NPAS3: variants seen among roughly 807,000 people sequenced by gnomAD.
The protein encoded by NPAS3 is neuronal PAS domain-containing protein 3.
A neutral mutation model predicts 73.1 loss-of-function variants in NPAS3; 14 were observed. That is an observed-to-expected ratio of 0.19 (90% confidence interval 0.13 to 0.30). The LOEUF (loss-of-function observed/expected upper bound fraction) is 0.30. Ranked by LOEUF, NPAS3 falls within the 10% of genes least tolerant of loss-of-function variation. NPAS3 has a pLI of 1.00. For synonymous variants in NPAS3, 620 were observed against 541.5 expected, an observed-to-expected ratio of 1.14 and a Z score of -2.01; for missense variants, 1,096 against 1,250.0, an observed-to-expected ratio of 0.88 and a Z score of 1.86.
intron 8 of NPAS3, among the ~76,000 whole-genome samples, chr14:33,775,814 C>T (rs991874302): frequency 1.3e-5 from 2 of 152,198 alleles, no homozygotes; most frequent in South Asian, 4.1e-4. Flanking sequence ...CAGAATGATT[C>T]GCTGGAGTTG....
chr14:33,185,853 G>A (rs2045956269), intron 2 of NPAS3, among the ~76,000 whole-genome samples: 1 of 152,132 alleles, frequency 6.6e-6, no homozygotes, highest in Admixed American at 6.6e-5. Flanking sequence ...AACTGACTAG[G>A]CTTTTTTTCC....
intron 3 of NPAS3, among the ~76,000 whole-genome samples, chr14:33,222,355 C>T (rs1004301568): frequency 2.0e-5 from 3 of 152,172 alleles, no homozygotes; most frequent in African/African-American, 7.2e-5. Context: ...TACGCCCTTC[C>T]AGTCTCCTTC....
At chr14:33,640,506 C>G (rs1006708271) in intron 5 of NPAS3, among the ~76,000 whole-genome samples, 15 of 152,152 alleles carry the variant, frequency 9.9e-5, no homozygotes, top group African/African-American at 3.6e-4. Context: ...TTAAAATTCA[C>G]AATTCTTAGT....
At chr14:33,257,596 T>C (rs1435545640) in intron 3 of NPAS3, among the ~76,000 whole-genome samples, 1 of 152,224 alleles carries the variant, frequency 6.6e-6, no homozygotes, top group Non-Finnish European at 1.5e-5. Flanking sequence ...AAGAAGAAAG[T>C]GTGCCATAGG....
intron 5 of NPAS3, among the ~76,000 whole-genome samples, chr14:33,671,676 C>T (rs997603932): frequency 2.6e-5 from 4 of 152,216 alleles, no homozygotes; most frequent in Admixed American, 1.3e-4. Flanking sequence ...TTTTGTAATA[C>T]ACTAAGCAAC....
intron 1 of NPAS3, among the ~76,000 whole-genome samples, chr14:32,952,507 T>G (rs2036523125): frequency 6.6e-6 from 1 of 151,904 alleles, no homozygotes; most frequent in African/African-American, 2.4e-5. Flanking sequence ...CCCTTGCTTG[T>G]CTCCCATACC....
At chr14:33,332,211 A>G (rs2044016846) in intron 3 of NPAS3, among the ~76,000 whole-genome samples, 1 of 152,194 alleles carries the variant, frequency 6.6e-6, no homozygotes, top group Admixed American at 6.5e-5. Context: ...TCTTTCGCTC[A>G]CTAAATTTCT....
At chr14:33,216,225 C>G (rs1459950761) in intron 3 of NPAS3, among the ~76,000 whole-genome samples, 1 of 152,138 alleles carries the variant, frequency 6.6e-6, no homozygotes, top group Non-Finnish European at 1.5e-5. Context: ...AATCGTGTAT[C>G]TAGACACTTT....
chr14:33,800,311 G>T lies in NPAS3; in HGVS notation c.2004G>T (p.Pro668=). 6.2e-7 allele frequency: 1 copy of T among 1,613,346 alleles called. No homozygotes were observed. The highest frequency in any genetic ancestry group is 8.5e-7 in the Non-Finnish European group (1 of 1,179,622). The change falls in exon 12 of 12, where the codon CCG becomes CCT. Residue 668 remains proline (P), a synonymous_variant. Transcript: ENST00000356141. The surrounding 1 kb of genome is among the most constrained non-coding windows in gnomAD (Gnocchi z 6.5). The stretch of plus-strand genomic sequence containing the variant: ...ATGACAGCAGCATCTGGAACTACCC[G>T]CCCAACCGGGAGATCTCCAGGAACG...
intron 3 of NPAS3, among the ~76,000 whole-genome samples, chr14:33,308,570 T>C (rs2042873088): frequency 4.4e-5 from 2 of 45,696 alleles, no homozygotes; most frequent in African/African-American, 3.7e-4. Flanking sequence ...ATACATTATA[T>C]ATATGTATAT....
intron 5 of NPAS3, among the ~76,000 whole-genome samples, chr14:33,625,080 AACAT>A (rs1171356815): frequency 6.6e-6 from 1 of 152,192 alleles, no homozygotes; most frequent in Admixed American, 6.5e-5. Context: ...TTTAATTAGA[AACAT>A]AAATAATGTG....
chr14:33,022,506 A>T (rs566249601), intron 1 of NPAS3, among the ~76,000 whole-genome samples: 2 of 152,188 alleles, frequency 1.3e-5, no homozygotes, highest in Non-Finnish European at 1.5e-5. Flanking sequence ...CTACTAAAAA[A>T]TACAAAAAAG....
At chr14:33,165,925 G>C (rs1020894626) in intron 2 of NPAS3, among the ~76,000 whole-genome samples, 6 of 152,134 alleles carry the variant, frequency 3.9e-5, no homozygotes, top group African/African-American at 1.4e-4. Flanking sequence ...CATCCCCAAA[G>C]TGTGTTTAGC....
chr14:33,442,257 A>T (rs1440196751), intron 4 of NPAS3, among the ~76,000 whole-genome samples: 1 of 152,106 alleles, frequency 6.6e-6, no homozygotes, highest in African/African-American at 2.4e-5. Context: ...TGGTGAACTA[A>T]AGTTCCAGAT....
In NPAS3 at chr14:33,800,355, C is replaced by A; in HGVS notation, c.2048C>A (p.Thr683Asn). The A allele has an allele frequency of 6.2e-7, 1 of 1,612,490 alleles. No individual in the cohort carries two copies. The highest frequency in any genetic ancestry group is 8.5e-7 in the Non-Finnish European group (1 of 1,179,380). The change falls in exon 12 of 12, where the codon ACC (threonine) becomes AAC (asparagine). Residue 683 changes from threonine to asparagine, a missense_variant. By Grantham distance (65) the Thr-to-Asn change is moderately conservative. This residue lies in a region of NPAS3 where 698 missense variants were observed against 676.7 expected (regional missense o/e 1.03). Transcript: ENST00000356141. This position sits in a 1 kb window ranked among gnomAD's most constrained non-coding sequence, Gnocchi z 6.5. Reference sequence around the variant, plus strand: ...AGGAACGAGTCCCCCTACAGCATGACCAAGCCCCCCAGCTCTGAGCACTTC... The same window carrying A: ...AGGAACGAGTCCCCCTACAGCATGAACAAGCCCCCCAGCTCTGAGCACTTC...
At position 32,955,231 on chromosome 14, in the gene NPAS3, C is replaced by A. The variant is rs75478303; in HGVS notation, c.50+15865C>A. On this transcript the variant is annotated intron_variant, in intron 1 of 11. Coordinates refer to ENST00000356141, the Ensembl canonical transcript of NPAS3. ...CCTTTCTAGTCTTCTAGCTCAAGGTCTATCTCAATAGGATATAACAATATA... is the reference window on the plus strand; with the variant it reads ...CCTTTCTAGTCTTCTAGCTCAAGGTATATCTCAATAGGATATAACAATATA... Among the ~76,000 whole-genome samples the A allele has an allele frequency of 1.1e-3, 171 of 152,124 alleles. No homozygotes were observed. The East Asian group carries it at 0.015, about 13-fold the overall frequency.
intron 4 of NPAS3, among the ~76,000 whole-genome samples, chr14:33,449,764 C>A (rs193083225): frequency 3.3e-5 from 5 of 152,140 alleles, no homozygotes; most frequent in South Asian, 2.1e-4. Flanking sequence ...TTTATTCCCC[C>A]CCAGGCTCTG....
chr14:33,135,951 G>T (rs960903956), intron 2 of NPAS3, among the ~76,000 whole-genome samples: 1 of 152,046 alleles, frequency 6.6e-6, no homozygotes, highest in Admixed American at 6.6e-5. Context: ...TTTTCCACTG[G>T]ACACAATAGG....
chr14:33,558,751 C>T (rs1295278903), intron 4 of NPAS3, among the ~76,000 whole-genome samples: 1 of 151,832 alleles, frequency 6.6e-6, no homozygotes, highest in Non-Finnish European at 1.5e-5. Context: ...TTACACGCTT[C>T]TTCCACCTTT....
Sources: allele counts gnomAD v4.1 joint callset (sites outside exome capture counted in the v4.1 genomes callset), GRCh38; gene constraint gnomAD v4.1.1; regional missense constraint gnomAD v4.1.1; non-coding constraint Gnocchi (gnomAD v3.1); transcripts MANE v1.5; gene names NCBI Gene and HGNC (gene_info 2026-07-23, HGNC 2026-07-21).